Variants in NEGR1 observed in about 807,000 individuals in gnomAD.
The protein encoded by NEGR1 is IgLON family member 4.
NEGR1 carries 10 observed loss-of-function variants against 40.9 expected under a neutral mutation model. The ratio of observed to expected loss-of-function variants is 0.24; its 90% CI spans 0.15 to 0.42. The LOEUF is 0.42. NEGR1 is among the 10% of genes least tolerant of loss of function. NEGR1 has a pLI of 1.00. For synonymous variants in NEGR1, 185 were observed against 166.8 expected, an observed-to-expected ratio of 1.11 and a Z score of -0.84; for missense variants, 352 against 438.9, an observed-to-expected ratio of 0.80 and a Z score of 1.77.
chr1:72,037,545 C>A (rs1345069694), intron 1 of NEGR1, among the ~76,000 whole-genome samples: 1 of 152,084 alleles, frequency 6.6e-6, no homozygotes, highest in Non-Finnish European at 1.5e-5. Context: ...CTTTGGGAAG[C>A]ACTCTGCCTT....
intron 1 of NEGR1, among the ~76,000 whole-genome samples, chr1:72,249,387 T>A (rs1252387349): frequency 6.6e-6 from 1 of 152,224 alleles, no homozygotes; most frequent in African/African-American, 2.4e-5. Context: ...TTTATTCTTC[T>A]TATGATTTGT....
intron 4 of NEGR1, among the ~76,000 whole-genome samples, chr1:71,645,134 C>T (rs1651489385): frequency 6.6e-6 from 1 of 151,896 alleles, no homozygotes; most frequent in Admixed American, 6.6e-5. Flanking sequence ...AGGTTTGCAT[C>T]ACGCTTTTCA....
chr1:71,564,101 CT>C (rs1241097901), intron 6 of NEGR1, among the ~76,000 whole-genome samples: 5 of 152,040 alleles, frequency 3.3e-5, no homozygotes, highest in African/African-American at 9.7e-5. Flanking sequence ...TTGGCATTAC[CT>C]GCGAGACTGT....
chr1:71,614,990 T>C (rs760659710), intron 4 of NEGR1, among the ~76,000 whole-genome samples: 8 of 152,164 alleles, frequency 5.3e-5, no homozygotes, highest in Non-Finnish European at 1.0e-4. Flanking sequence ...TGAATAAATA[T>C]GCATAAGAAA....
intron 2 of NEGR1, among the ~76,000 whole-genome samples, chr1:71,867,458 T>C (rs775420196): frequency 1.1e-4 from 17 of 152,198 alleles, no homozygotes; most frequent in Non-Finnish European, 1.9e-4. Context: ...TAGCAAATAA[T>C]GGAGGAATTG....
chr1:72,102,073 A>T (rs1390486078), intron 1 of NEGR1, among the ~76,000 whole-genome samples: 1 of 152,096 alleles, frequency 6.6e-6, no homozygotes, highest in African/African-American at 2.4e-5. Flanking sequence ...GCAGTATTTG[A>T]TCGCTAGAAG....
chr1:71,687,050 G>A (rs1336543771), intron 4 of NEGR1, among the ~76,000 whole-genome samples: 2 of 152,120 alleles, frequency 1.3e-5, no homozygotes, highest in African/African-American at 2.4e-5. Context: ...ATCTGTTCTA[G>A]GATACAGAAC....
At chr1:72,233,687 T>C (rs1654455618) in intron 1 of NEGR1, among the ~76,000 whole-genome samples, 1 of 152,160 alleles carries the variant, frequency 6.6e-6, no homozygotes, top group African/African-American at 2.4e-5. Flanking sequence ...CTATATCCAA[T>C]CCATTATTGA....
At chr1:72,148,598 A>C (rs1650999285) in intron 1 of NEGR1, among the ~76,000 whole-genome samples, 1 of 152,128 alleles carries the variant, frequency 6.6e-6, no homozygotes, top group African/African-American at 2.4e-5. Flanking sequence ...TTTCCCTTTT[A>C]AAATGGAAAG....
intron 6 of NEGR1, among the ~76,000 whole-genome samples, chr1:71,437,792 G>A (rs1335048274): frequency 6.6e-6 from 1 of 152,184 alleles, no homozygotes; most frequent in Non-Finnish European, 1.5e-5. Context: ...TAAAAGATTT[G>A]TTTGAAGTGT....
At chr1:72,217,660 T>C (rs969232546) in intron 1 of NEGR1, among the ~76,000 whole-genome samples, 1 of 151,888 alleles carries the variant, frequency 6.6e-6, no homozygotes, top group Non-Finnish European at 1.5e-5. Context: ...TGTAACATAT[T>C]GAGACTGAGG....
chr1:71,943,711 A>G (rs1049939115), intron 1 of NEGR1, among the ~76,000 whole-genome samples: 5 of 152,176 alleles, frequency 3.3e-5, no homozygotes, highest in African/African-American at 4.8e-5. Context: ...ATATCAAAAT[A>G]TCTTCATTTT....
intron 1 of NEGR1, among the ~76,000 whole-genome samples, chr1:72,155,475 AT>A (rs1225248700): frequency 6.6e-6 from 1 of 152,018 alleles, no homozygotes. Flanking sequence ...ATACCTAGTA[AT>A]TTAATCATGA....
intron 3 of NEGR1, among the ~76,000 whole-genome samples, chr1:71,705,794 A>G (rs12049457): frequency 0.33 from 49,449 of 151,240 alleles, 9,775 homozygotes; most frequent in East Asian, 0.48. Flanking sequence ...AGAAAGGAAA[A>G]GAAAAGAAAA....
chr1:72,064,378 C>T (rs1479170084), intron 1 of NEGR1, among the ~76,000 whole-genome samples: 1 of 152,016 alleles, frequency 6.6e-6, no homozygotes, highest in Non-Finnish European at 1.5e-5. Context: ...GCTGAGGATC[C>T]TTTACCTCTG....
rs1284377555 is a variant in NEGR1, at chr1:72,022,358, A to G, written c.177-87047T>C. On this transcript the variant is annotated intron_variant, in intron 1 of 6. Transcript: ENST00000357731. ...TTTATAAAGAGAATAATACCATTTA[A>G]ACACATTGTTTCTATTTAGTGATAT... Among the ~76,000 whole-genome samples, 5 of 146,840 alleles carry G rather than the reference A, an allele frequency of 3.4e-5. No individual in the cohort carries two copies. The East Asian group carries it at 9.9e-4, about 29-fold the overall frequency.
intron 1 of NEGR1, among the ~76,000 whole-genome samples, chr1:72,081,107 T>G (rs920973274): frequency 6.6e-6 from 1 of 152,168 alleles, no homozygotes; most frequent in African/African-American, 2.4e-5. Flanking sequence ...TTACATACTT[T>G]CAGTTGTACT....
At chr1:71,994,394 G>A (rs2801323) in intron 1 of NEGR1, among the ~76,000 whole-genome samples, 8 of 151,958 alleles carry the variant, frequency 5.3e-5, no homozygotes, top group African/African-American at 1.9e-4. Flanking sequence ...CGGGCGTGGT[G>A]GTGGGCGCCT....
At chr1:72,259,054 T>A (rs537185832) in intron 1 of NEGR1, among the ~76,000 whole-genome samples, 1 of 152,310 alleles carries the variant, frequency 6.6e-6, no homozygotes, top group South Asian at 2.1e-4. Flanking sequence ...TTACACATTT[T>A]AAAATTATTT....
Sources: allele counts gnomAD v4.1 joint callset (sites outside exome capture counted in the v4.1 genomes callset), GRCh38; gene constraint gnomAD v4.1.1; transcripts MANE v1.5; gene names NCBI Gene and HGNC (gene_info 2026-07-23, HGNC 2026-07-21).